The following ATP8A1 variants were observed in gnomAD, a reference collection of about 807,000 sequenced individuals.
ATP8A1 encodes ATPase phospholipid transporting 8A1.
A neutral mutation model predicts 177.7 loss-of-function variants in ATP8A1; 90 were observed. The ratio of observed to expected loss-of-function variants is 0.51; its 90% CI spans 0.43 to 0.60. The LOEUF (loss-of-function observed/expected upper bound fraction) is 0.60, where lower values mean the gene tolerates loss of function less well. Ranked by LOEUF, ATP8A1 falls within the 20% of genes least tolerant of loss-of-function variation. The probability of loss-of-function intolerance (pLI) is 0.00; values close to 1 mark genes in which losing one functional copy is unlikely to be tolerated. For synonymous variants in ATP8A1, 493 were observed against 485.9 expected (o/e 1.01, Z -0.19); for missense variants, 1,072 against 1,392.8 (o/e 0.77, Z 3.67).
At chr4:42,567,492 T>C (rs1577605269) in intron 15 of ATP8A1, among the ~76,000 whole-genome samples, 1 of 152,168 alleles carries the variant, frequency 6.6e-6, no homozygotes, top group East Asian at 1.9e-4. Flanking sequence ...TGAGCTGAGA[T>C]TGTGCCACTG....
At chr4:42,575,581 C>G (rs758624005) in intron 13 of ATP8A1, 41 bp downstream of exon 13, 4 of 1,568,114 alleles carry the variant, frequency 2.6e-6, no homozygotes, top group Non-Finnish European at 3.5e-6. Context: ...CCAAATCTAA[C>G]TTTTTAATTC....
In ATP8A1 at chr4:42,479,598, G is replaced by T. The variant is rs187907743; in HGVS notation, c.2324+5898C>A. 1.5e-4 allele frequency among the ~76,000 whole-genome samples: 23 copies of T among 152,328 alleles called. 1 individual carries two copies. The highest frequency in any genetic ancestry group is 1.4e-3 in the Admixed American group (21 of 15,306). On this transcript the variant is annotated intron_variant, in intron 25 of 36. Coordinates refer to ENST00000381668, the MANE Select transcript of ATP8A1 (RefSeq NM_006095.2). ...GATTTGTATTTCACTGAAGAACAGA[G>T]GAGAGTGCTGATGTACTGATGACTG...
At chr4:42,639,740 TGAGA>T (rs1739772117) in intron 1 of ATP8A1, among the ~76,000 whole-genome samples, 1 of 152,322 alleles carries the variant, frequency 6.6e-6, no homozygotes, top group South Asian at 2.1e-4. Context: ...CTATGGTGAA[TGAGA>T]GAGGAACTAA....
chr4:42,527,868 G>A (rs1726855446), intron 20 of ATP8A1, among the ~76,000 whole-genome samples: 1 of 152,106 alleles, frequency 6.6e-6, no homozygotes, highest in Admixed American at 6.5e-5. Flanking sequence ...GGGAGGCTGG[G>A]TACCCTAGAG....
intron 1 of ATP8A1, among the ~76,000 whole-genome samples, chr4:42,629,210 G>A (rs546158465): frequency 4.5e-4 from 69 of 152,082 alleles, no homozygotes; most frequent in South Asian, 8.3e-4. Context: ...GATTAGTAGG[G>A]GCCCAACCTA....
At chr4:42,582,336 A>G (rs1221975536) in intron 9 of ATP8A1, among the ~76,000 whole-genome samples, 1 of 152,162 alleles carries the variant, frequency 6.6e-6, no homozygotes, top group African/African-American at 2.4e-5. Flanking sequence ...AACCAAAATA[A>G]TAGGTAATGT....
intron 20 of ATP8A1, among the ~76,000 whole-genome samples, chr4:42,535,799 A>G (rs1330946274): frequency 6.6e-6 from 1 of 152,228 alleles, no homozygotes; most frequent in Non-Finnish European, 1.5e-5. Context: ...TTGGAAATCA[A>G]CTCCAAAAGG....
intron 20 of ATP8A1, among the ~76,000 whole-genome samples, chr4:42,541,002 G>A (rs1043614438): frequency 6.6e-6 from 1 of 151,956 alleles, no homozygotes; most frequent in Non-Finnish European, 1.5e-5. Flanking sequence ...CCCCATAAAT[G>A]TGTACAAGTA....
intron 15 of ATP8A1, among the ~76,000 whole-genome samples, chr4:42,563,585 A>G (rs1009829236): frequency 3.9e-5 from 6 of 152,214 alleles, no homozygotes; most frequent in African/African-American, 1.4e-4. Context: ...AGAGGTCTTC[A>G]TGGCAGCCCC....
rs762054943 is a variant in ATP8A1 at position 42,579,870 on chromosome 4, C to T, written c.943G>A (p.Gly315Ser). The T allele has an allele frequency of 6.2e-7, 1 of 1,613,402 alleles. No individual in the cohort carries two copies. Among genetic ancestry groups the T allele is most frequent in the Non-Finnish European group, 8.5e-7 (1 of 1,179,778 alleles). The change falls in exon 11 of 37, where the codon GGC (glycine) becomes AGC (serine). Residue 315 changes from glycine to serine, a missense_variant. By Grantham distance (56) the Gly-to-Ser change is moderately conservative. Coordinates refer to ENST00000381668, the MANE Select transcript of ATP8A1 (RefSeq NM_006095.2). ...TGCCTTCGATTCCAAATGGCTGAGC[C>T]CACAGAACAGACAAGAGACATGGCA... ...LIAMSLVCSV[G>S]SAIWNRRHSG...
chr4:42,583,515 T>C (rs1010160949), intron 9 of ATP8A1, among the ~76,000 whole-genome samples: 2 of 152,180 alleles, frequency 1.3e-5, no homozygotes, highest in Non-Finnish European at 2.9e-5. Flanking sequence ...ACCTCAGCAG[T>C]GGTGGTGTGG....
intron 19 of ATP8A1, among the ~76,000 whole-genome samples, chr4:42,544,472 G>C (rs1728695937): frequency 6.6e-6 from 1 of 152,116 alleles, no homozygotes; most frequent in African/African-American, 2.4e-5. Flanking sequence ...TTCACAACTA[G>C]TTTTTCAATG....
chr4:42,503,666 A>C, intron 23 of ATP8A1, 152 bp from the exon 24 acceptor site: 1 of 558,508 alleles, frequency 1.8e-6, no homozygotes, highest in East Asian at 3.1e-5. Context: ...GAAGTTAAAC[A>C]TGAAATGCTC....
At chr4:42,612,994 C>T (rs1204865798) in intron 5 of ATP8A1, among the ~76,000 whole-genome samples, 2 of 152,116 alleles carry the variant, frequency 1.3e-5, no homozygotes, top group Admixed American at 1.3e-4. Context: ...GAGTTGGATG[C>T]TTCAGATGTC....
intron 27 of ATP8A1, 105 bp downstream of exon 27, chr4:42,464,585 G>T: frequency 1.5e-6 from 1 of 666,990 alleles, no homozygotes; most frequent in Non-Finnish European, 2.5e-6. Context: ...ATAAAGAGTT[G>T]GCAAATAAAA....
rs575874533 is a variant in ATP8A1 at position 42,526,757 on chromosome 4, C to T, written c.1723-1910G>A. Among the ~76,000 whole-genome samples the T allele has an allele frequency of 3.3e-5, 5 of 152,160 alleles. 1 individual carries two copies. In the South Asian group the frequency reaches 6.2e-4, roughly 19 times the overall value. On this transcript the variant is annotated intron_variant, in intron 20 of 36. Transcript: ENST00000381668. ...ATTAATTCTGTCCCTCTAGAGAACC[C>T]TGACTAATACAGATTTTGGTACCAA...
chr4:42,639,275 A>T (rs138884749), intron 1 of ATP8A1, among the ~76,000 whole-genome samples: 2 of 152,330 alleles, frequency 1.3e-5, no homozygotes, highest in African/African-American at 4.8e-5. Flanking sequence ...TCAACAGTGA[A>T]TATTAACAGA....
intron 27 of ATP8A1, among the ~76,000 whole-genome samples, chr4:42,462,751 G>T (rs1263343771): frequency 6.6e-6 from 1 of 152,118 alleles, no homozygotes; most frequent in Non-Finnish European, 1.5e-5. Context: ...TGACTGCATT[G>T]TGCACCTGAT....
At chr4:42,626,269 G>A (rs1318584692) in intron 2 of ATP8A1, 1 of 152,206 alleles carries the variant, frequency 6.6e-6, no homozygotes, top group East Asian at 1.9e-4. Flanking sequence ...TTAGGTCTTA[G>A]AAACACCCAG....
Sources: gnomAD v4.1 joint callset for allele counts (sites outside exome capture counted in the v4.1 genomes callset) on GRCh38, gnomAD v4.1.1 for gene constraint, MANE v1.5 for transcripts, NCBI Gene and HGNC (gene_info 2026-07-23, HGNC 2026-07-21) for gene names.